The following PTPRS variants were observed in gnomAD, a reference collection of about 807,000 sequenced individuals.
The protein encoded by PTPRS is protein tyrosine phosphatase receptor type S, also known as receptor-type tyrosine-protein phosphatase S.
In PTPRS, 63 loss-of-function variants were observed where a neutral mutation model predicts 215.3. The observed-to-expected ratio is 0.29, with a 90% CI of 0.24 to 0.36. The LOEUF (loss-of-function observed/expected upper bound fraction) is 0.36. Ranked by LOEUF, PTPRS falls within the 10% of genes least tolerant of loss-of-function variation. The pLI, the probability that PTPRS is intolerant of heterozygous loss-of-function variation, is 1.00. For synonymous variants in PTPRS, 1,404 were observed against 1,191.4 expected, an observed-to-expected ratio of 1.18 and a Z score of -3.68; for missense variants, 2,258 against 2,825.8, an observed-to-expected ratio of 0.80 and a Z score of 4.56.
chr19:5,325,267 T>C (rs1433360281), intron 1 of PTPRS, among the ~76,000 whole-genome samples: 2 of 152,260 alleles, frequency 1.3e-5, no homozygotes, highest in Non-Finnish European at 2.9e-5. Context: ...ATTTACGCCA[T>C]GGGTCAGCAT....
At chr19:5,236,170 C>T (rs2145777322) in intron 13 of PTPRS, among the ~76,000 whole-genome samples, 2 of 152,324 alleles carry the variant, frequency 1.3e-5, no homozygotes, top group Middle Eastern at 6.8e-3. Flanking sequence ...TGTGTACCGA[C>T]TGTGGCCAGA....
In PTPRS at chr19:5,211,722, T is replaced by A. The variant is rs148218543; in HGVS notation, c.5102A>T (p.Asn1701Ile). The A allele has an allele frequency of 6.2e-7, 1 of 1,613,976 alleles. No homozygotes were observed. Among genetic ancestry groups the A allele is most frequent in the Non-Finnish European group, 8.5e-7 (1 of 1,180,002 alleles). ...GTTCTTGAACTTGTTACAAGGCAGA[T>A]TGGCACTGATGAAGCGTGACGTGTG... is the stretch of plus-strand genomic sequence containing the variant. The part of the protein sequence containing the change: ...KAHTSRFISA[N>I]LPCNKFKNRL... The change falls in exon 33 of 38, where the codon AAT (asparagine) becomes ATT (isoleucine). Residue 1701 changes from asparagine (N) to isoleucine (I), a missense_variant. Coordinates refer to ENST00000262963, the MANE Select transcript of PTPRS (RefSeq NM_002850.4).
At chr19:5,305,458 G>C (rs1406652405) in intron 1 of PTPRS, among the ~76,000 whole-genome samples, 2 of 152,118 alleles carry the variant, frequency 1.3e-5, no homozygotes, top group East Asian at 1.9e-4. Flanking sequence ...GAAGCAGGAG[G>C]ATCACTTGAG....
intron 7 of PTPRS, among the ~76,000 whole-genome samples, chr19:5,258,715 G>A (rs2045760500): frequency 6.6e-6 from 1 of 152,160 alleles, no homozygotes; most frequent in Admixed American, 6.5e-5. Flanking sequence ...CTTCAGGTGT[G>A]TTTGAAATTT....
intron 2 of PTPRS, among the ~76,000 whole-genome samples, chr19:5,283,644 G>A (rs990151310): frequency 2.0e-5 from 3 of 152,182 alleles, no homozygotes; most frequent in African/African-American, 4.8e-5. Flanking sequence ...CCCCAATGCA[G>A]GTGAGACAGG....
At chr19:5,316,907 G>C (rs1001384503) in intron 1 of PTPRS, among the ~76,000 whole-genome samples, 2 of 152,326 alleles carry the variant, frequency 1.3e-5, no homozygotes, top group African/African-American at 4.8e-5. Flanking sequence ...CCAGGCACCG[G>C]GGACCTGGCT....
intron 1 of PTPRS, among the ~76,000 whole-genome samples, chr19:5,326,108 G>A (rs1334658898): frequency 6.6e-6 from 1 of 152,202 alleles, no homozygotes; most frequent in African/African-American, 2.4e-5. Flanking sequence ...ACACACGCCT[G>A]TAATCCCAGC....
Position 5,208,337 on chromosome 19 carries a change from C to T in PTPRS, c.5542G>A (p.Gly1848Ser), listed in dbSNP as rs903504424. The change falls in exon 36 of 38, where the codon GGT (glycine) becomes AGT (serine). Residue 1848 changes from glycine (G) to serine (S), a missense_variant. Physicochemically the swap from Gly to Ser is moderately conservative, Grantham distance 56. Around this residue, in one of 6 missense-constraint regions of PTPRS, gnomAD observed 927 missense variants for 1,125.9 expected, o/e 0.82. Transcript: ENST00000262963. ...QFQFTDWPEQGVPKSGEGFID... is the reference protein window; with the variant it reads ...QFQFTDWPEQSVPKSGEGFID... ...AAGCCCTCCCCCGACTTTGGCACAC[C>T]CTGTTCCGGCCAGTCTGTGAACTGG... The T allele has an allele frequency of 6.4e-5, 104 of 1,613,716 alleles. No individual in the cohort carries two copies. The highest frequency in any genetic ancestry group is 8.3e-5 in the Non-Finnish European group (98 of 1,179,812).
chr19:5,239,243 G>C (rs2043787443), intron 12 of PTPRS, among the ~76,000 whole-genome samples, 180 bp from the exon 13 acceptor site: 1 of 151,398 alleles, frequency 6.6e-6, no homozygotes, highest in African/African-American at 2.4e-5. Context: ...ATGAGGGAGA[G>C]AGGTAGAGGG....
rs372448549 is a variant in PTPRS, at chr19:5,257,974, C to A, written c.706+43G>T. 9.9e-6 allele frequency: 15 copies of A among 1,515,008 alleles called. No homozygotes were observed. The highest frequency in any genetic ancestry group is 1.7e-5 in the Admixed American group (1 of 58,320). 93.8% of individuals were successfully genotyped at this position (1,515,008 alleles called of 1,614,324 possible). A position where few individuals can be genotyped will look rare whatever the true frequency, so the allele number is the denominator to read the frequency against. On this transcript the variant is annotated intron_variant, in intron 8 of 37. Coordinates refer to ENST00000262963, the MANE Select transcript of PTPRS (RefSeq NM_002850.4). The surrounding 1 kb of genome is among the most constrained non-coding windows in gnomAD (Gnocchi z 4.4). ...AGCCCGAGGAGGGAGGGGGATGGGA[C>A]GGGGCGGGTCCCTGCCTTTGACCTG... is the stretch of plus-strand genomic sequence containing the variant.
chr19:5,277,064 T>TTTG (rs1568548071), intron 2 of PTPRS, among the ~76,000 whole-genome samples: 1 of 150,838 alleles, frequency 6.6e-6, no homozygotes, highest in East Asian at 2.0e-4. Context: ...TGTGTTTTTT[T>TTTG]TTTTTTTTTT....
rs547580599 is a variant in PTPRS at position 5,210,644 on chromosome 19, G to C, written c.5361+35C>G. ...TCAGCGCTGTCTGAGCCACAGTCTG[G>C]CCCTCGCCCTTCCCTGCTGTGGCCC... On this transcript the variant is annotated intron_variant, in intron 34 of 37. Coordinates refer to ENST00000262963, the MANE Select transcript of PTPRS (RefSeq NM_002850.4). The surrounding 1 kb of genome is among the most constrained non-coding windows in gnomAD (Gnocchi z 4.5). 2 of 1,614,086 alleles carry C rather than the reference G, an allele frequency of 1.2e-6. No homozygotes were observed. Among genetic ancestry groups the C allele is most frequent in the Admixed American group, 1.7e-5 (1 of 60,030 alleles).
intron 1 of PTPRS, among the ~76,000 whole-genome samples, chr19:5,299,977 C>G (rs2049253357): frequency 6.6e-6 from 1 of 151,132 alleles, no homozygotes; most frequent in Non-Finnish European, 1.5e-5. Flanking sequence ...GCCATGGCTC[C>G]CACCTGTAAT....
At position 5,260,817 on chromosome 19, in the gene PTPRS, T is replaced by C. The variant is rs912584329; in HGVS notation, c.583A>G (p.Thr195Ala). 3.8e-5 allele frequency: 62 copies of C among 1,613,330 alleles called. No individual in the cohort carries two copies. The highest frequency in any genetic ancestry group is 5.2e-5 in the Non-Finnish European group (61 of 1,179,744). ...KQLRSETFES[T>A]PIRGALQIES... Reference sequence around the variant, plus strand: ...AGGAGCCTCTTACCTCGAATCGGAGTGCTTTCTGTAAGGGAAGCAGAGAGA... The same window carrying C: ...AGGAGCCTCTTACCTCGAATCGGAGCGCTTTCTGTAAGGGAAGCAGAGAGA... The change falls in exon 7 of 38, where the codon ACT becomes GCT. Residue 195 changes from threonine (T) to alanine (A), a missense_variant. By Grantham distance (58) the Thr-to-Ala change is moderately conservative. This residue lies in a region of PTPRS where 508 missense variants were observed against 799.4 expected (regional missense o/e 0.64). Transcript: ENST00000262963.
chr19:5,222,642 G>GGGGGGGGGGGGGGGGGGGGC (rs2145399358), intron 18 of PTPRS, 47 bp downstream of exon 18: 1 of 1,369,152 alleles, frequency 7.3e-7, no homozygotes, highest in Non-Finnish European at 9.7e-7. Context: ...GTGGGGGTGG[G>GGGGGGGGGGGGGGGGGGGGC]CGCAAGGCCC....
rs1405851239 is a variant in PTPRS, at chr19:5,240,213, C to A, written c.1690G>T (p.Asp564Tyr). ...IKYELLFREG[D>Y]HGREVGRTFD... ...CGCTGCCTCACCTCCCGGCCATGGT[C>A]GCCTTCCCGGAAGAGGAGCTCGTAC... Residue 564 changes from aspartate (D) to tyrosine (Y), a missense_variant, in exon 12 of 38, where the codon GAC (aspartate) becomes TAC (tyrosine). This residue lies in a region of PTPRS where 371 missense variants were observed against 446.7 expected (regional missense o/e 0.83). Transcript: ENST00000262963. 1.3e-6 allele frequency: 2 copies of A among 1,547,164 alleles called. No individual in the cohort carries two copies. The highest frequency in any genetic ancestry group is 1.4e-5 in the African/African-American group (1 of 73,194).
In PTPRS at chr19:5,215,674, G is replaced by T. The variant is rs942652570; in HGVS notation, c.4097-79C>A. 7 of 1,012,126 alleles carry T rather than the reference G, an allele frequency of 6.9e-6. No homozygotes were observed. The Admixed American group carries it at 1.5e-4, about 22-fold the overall frequency. 62.7% of individuals were successfully genotyped at this position (1,012,126 alleles called of 1,614,324 possible). On this transcript the variant is annotated intron_variant, in intron 26 of 37. Transcript: ENST00000262963. ...GACTCGGGGGAGGGGGGTGATCTACGTGTGAGTCTGCGATGGGTGAGCTGT... is the reference window on the plus strand; with the variant it reads ...GACTCGGGGGAGGGGGGTGATCTACTTGTGAGTCTGCGATGGGTGAGCTGT...
chr19:5,244,390 A>G lies in PTPRS; in HGVS notation c.1081T>C (p.Ser361Pro). 6.2e-7 allele frequency: 1 copy of G among 1,614,136 alleles called. No homozygotes were observed. The highest frequency in any genetic ancestry group is 8.5e-7 in the Non-Finnish European group (1 of 1,180,028). The change falls in exon 11 of 38, where the codon TCC (serine) becomes CCC (proline). Residue 361 changes from serine (S) to proline (P), a missense_variant. Physicochemically the swap from Ser to Pro is moderately conservative, Grantham distance 74 (BLOSUM62 -1). Coordinates refer to ENST00000262963, the MANE Select transcript of PTPRS (RefSeq NM_002850.4). The surrounding 1 kb of genome is among the most constrained non-coding windows in gnomAD (Gnocchi z 7.2). ...GATTTATATTCGATGACGTAATAGG[A>G]CACAGGATCTGGGTTGCCCGAGTCC... ...TWDSGNPDPVSYYVIEYKSKS... is the reference protein window; with the variant it reads ...TWDSGNPDPVPYYVIEYKSKS...
At chr19:5,312,097 T>A (rs1485669715) in intron 1 of PTPRS, among the ~76,000 whole-genome samples, 1 of 150,720 alleles carries the variant, frequency 6.6e-6, no homozygotes, top group African/African-American at 2.4e-5. Context: ...TGGTTGTGCG[T>A]GAGGCCTGTG....
Sources: allele counts gnomAD v4.1 joint callset (sites outside exome capture counted in the v4.1 genomes callset), GRCh38; gene constraint gnomAD v4.1.1; regional missense constraint gnomAD v4.1.1; non-coding constraint Gnocchi (gnomAD v3.1); transcripts MANE v1.5; gene names NCBI Gene and HGNC (gene_info 2026-07-23, HGNC 2026-07-21).